Variants in STX17 observed in about 807,000 individuals in gnomAD.
The protein encoded by STX17 is syntaxin-17.
Under a neutral mutation model 35.9 loss-of-function variants are expected in STX17, and 29 were observed. The observed-to-expected ratio is 0.81, with a 90% CI of 0.60 to 1.10. The LOEUF is 1.10. Ranked by LOEUF, STX17 falls within the 50% of genes least tolerant of loss-of-function variation. STX17 has a pLI of 0.00. For missense variants in STX17, 312 were observed against 352.3 expected (o/e 0.89, Z 0.92); for synonymous variants, 92 against 118.3 (o/e 0.78, Z 1.44).
chr9:99,928,123 A>C (rs1468180870), intron 2 of STX17, among the ~76,000 whole-genome samples: 3 of 152,082 alleles, frequency 2.0e-5, no homozygotes, highest in African/African-American at 7.2e-5. Context: ...ATAACATATG[A>C]TATTTGGTGT....
rs556297121 is a variant in STX17 at position 99,972,254 on chromosome 9, C to G, written c.*3581C>G. 6.6e-6 allele frequency among the ~76,000 whole-genome samples: 1 copy of G among 152,302 alleles called. No individual in the cohort carries two copies. Among genetic ancestry groups the G allele is most frequent in the African/African-American group, 2.4e-5 (1 of 41,574 alleles). On this transcript the variant is annotated 3_prime_UTR_variant, in exon 8 of 8. Transcript: ENST00000259400. Reference sequence around the variant, plus strand: ...TCACTAGTTATAACCATTGTTTAAACAGTGCTTTTTGTGTAATTTAAAAAT... The same window carrying G: ...TCACTAGTTATAACCATTGTTTAAAGAGTGCTTTTTGTGTAATTTAAAAAT...
chr9:99,963,520 A>G (rs1330092078), intron 6 of STX17, among the ~76,000 whole-genome samples: 1 of 152,204 alleles, frequency 6.6e-6, no homozygotes, highest in Non-Finnish European at 1.5e-5. Flanking sequence ...TTTGACAACA[A>G]TGAGCTTTAT....
In STX17 at chr9:99,971,797, G is replaced by A. The variant is rs1466348397; in HGVS notation, c.*3124G>A. Among the ~76,000 whole-genome samples, 1 of 152,158 alleles carries A rather than the reference G, an allele frequency of 6.6e-6. No individual in the cohort carries two copies. Among genetic ancestry groups the A allele is most frequent in the Non-Finnish European group, 1.5e-5 (1 of 68,040 alleles). On this transcript the variant is annotated 3_prime_UTR_variant, in exon 8 of 8. Transcript: ENST00000259400. ...GCACTTAGGGAGGCAGAGGCCAGAG[G>A]ATCACTTGAGCCCAGGAGTTTGAGA...
chr9:99,941,484 A>G (rs1829360633), intron 3 of STX17, among the ~76,000 whole-genome samples: 1 of 152,218 alleles, frequency 6.6e-6, no homozygotes, highest in African/African-American at 2.4e-5. Context: ...AATATAATTT[A>G]CGTATTCTAA....
In STX17 at chr9:99,972,607, A is replaced by T. The variant is rs1242257171; in HGVS notation, c.*3934A>T. 1.3e-5 allele frequency among the ~76,000 whole-genome samples: 2 copies of T among 152,134 alleles called. No homozygotes were observed. The highest frequency in any genetic ancestry group is 1.5e-5 in the Non-Finnish European group (1 of 68,012). On this transcript the variant is annotated 3_prime_UTR_variant, in exon 8 of 8. Transcript: ENST00000259400. ...GCTGCCTGCCTTCCTGCCCTCCCTT[A>T]AGTGCTCTAAGATTTTTGTACAGGA... is the stretch of plus-strand genomic sequence containing the variant.
In STX17 at chr9:99,973,432, A is replaced by G. The variant is rs2118575406; in HGVS notation, c.*4759A>G. Among the ~76,000 whole-genome samples, 1 of 152,284 alleles carries G rather than the reference A, an allele frequency of 6.6e-6. No individual in the cohort carries two copies. The highest frequency in any genetic ancestry group is 2.1e-4 in the South Asian group (1 of 4,824). On this transcript the variant is annotated 3_prime_UTR_variant, in exon 8 of 8. Coordinates refer to ENST00000259400, the MANE Select transcript of STX17 (RefSeq NM_017919.3). ...AGGCAATAGCTACAACGGAAAGATAATTGGACGGGGAATCCTGAGATCAGA... is the reference window on the plus strand; with the variant it reads ...AGGCAATAGCTACAACGGAAAGATAGTTGGACGGGGAATCCTGAGATCAGA...
At chr9:99,963,435 G>A (rs1829863397) in intron 6 of STX17, among the ~76,000 whole-genome samples, 1 of 152,030 alleles carries the variant, frequency 6.6e-6, no homozygotes, top group Non-Finnish European at 1.5e-5. Context: ...GTTTTACTCT[G>A]GAAACATAAA....
intron 2 of STX17, among the ~76,000 whole-genome samples, chr9:99,926,209 A>G (rs930780859): frequency 2.0e-5 from 3 of 151,852 alleles, no homozygotes; most frequent in African/African-American, 7.2e-5. Flanking sequence ...TAATGTGCTT[A>G]TATTTTCTTC....
At chr9:99,922,848 G>A (rs1281666001) in intron 2 of STX17, among the ~76,000 whole-genome samples, 1 of 152,214 alleles carries the variant, frequency 6.6e-6, no homozygotes, top group African/African-American at 2.4e-5. Flanking sequence ...GCCATGGTGT[G>A]GTGTGTGTCA....
At chr9:99,967,956 CTG>C (rs377054391) in intron 7 of STX17, among the ~76,000 whole-genome samples, 24 of 152,324 alleles carry the variant, frequency 1.6e-4, no homozygotes, top group African/African-American at 5.8e-4. Flanking sequence ...AGAGAATAAA[CTG>C]TAGCTCTGCT....
chr9:99,962,470 G>A (rs1829846141), intron 6 of STX17, among the ~76,000 whole-genome samples: 1 of 152,082 alleles, frequency 6.6e-6, no homozygotes, highest in Non-Finnish European at 1.5e-5. Flanking sequence ...AAAGTCATTG[G>A]TCTGTACACA....
At chr9:99,937,880 A>G (rs1587925237) in intron 3 of STX17, 1 of 152,092 alleles carries the variant, frequency 6.6e-6, no homozygotes, top group East Asian at 1.9e-4. Flanking sequence ...TCTGGAATGT[A>G]GTTAAGTTGC....
chr9:99,935,584 C>T (rs930008613), intron 3 of STX17, among the ~76,000 whole-genome samples: 4 of 152,074 alleles, frequency 2.6e-5, no homozygotes, highest in African/African-American at 9.7e-5. Context: ...AGACACTGGG[C>T]ATACATCTGT....
chr9:99,942,718 A>C (rs905427839), intron 3 of STX17, among the ~76,000 whole-genome samples: 4 of 152,166 alleles, frequency 2.6e-5, no homozygotes, highest in Non-Finnish European at 5.9e-5. Flanking sequence ...ATATGGCGTG[A>C]AGTGGTATAT....
intron 1 of STX17, among the ~76,000 whole-genome samples, chr9:99,908,893 C>A (rs1828608889): frequency 6.6e-6 from 1 of 152,208 alleles, no homozygotes; most frequent in South Asian, 2.1e-4. Flanking sequence ...ATTTGTCTAT[C>A]CATATACTTT....
intron 4 of STX17, among the ~76,000 whole-genome samples, chr9:99,956,401 T>C (rs1829712306): frequency 6.6e-6 from 1 of 152,124 alleles, no homozygotes; most frequent in South Asian, 2.1e-4. Context: ...GTGGTCATGG[T>C]TATAAAGTTC....
intron 4 of STX17, among the ~76,000 whole-genome samples, chr9:99,957,447 G>A (rs1488599175): frequency 6.6e-6 from 1 of 151,940 alleles, no homozygotes; most frequent in Non-Finnish European, 1.5e-5. Flanking sequence ...TTTTATCTCT[G>A]GCACCCTAAC....
At chr9:99,938,420 AAAC>A (rs1355584379) in intron 3 of STX17, among the ~76,000 whole-genome samples, 3 of 152,228 alleles carry the variant, frequency 2.0e-5, no homozygotes, top group Non-Finnish European at 4.4e-5. Context: ...TCAAAATTTG[AAAC>A]TAAATGAGAG....
At position 99,971,681 on chromosome 9, in the gene STX17, G is replaced by A. The variant is rs1830017252; in HGVS notation, c.*3008G>A. Among the ~76,000 whole-genome samples the A allele has an allele frequency of 6.6e-6, 1 of 152,170 alleles. No individual in the cohort carries two copies. Among genetic ancestry groups the A allele is most frequent in the South Asian group, 2.1e-4 (1 of 4,836 alleles). On this transcript the variant is annotated 3_prime_UTR_variant, in exon 8 of 8. Coordinates refer to ENST00000259400, the MANE Select transcript of STX17 (RefSeq NM_017919.3). The stretch of plus-strand genomic sequence containing the variant: ...CAGGAATGTTAACTAGGTCTGTTGA[G>A]CTACAAAAACTTTTATGTCTCTCAG...
Sources: allele counts gnomAD v4.1 joint callset (sites outside exome capture counted in the v4.1 genomes callset), GRCh38; gene constraint gnomAD v4.1.1; transcripts MANE v1.5; gene names NCBI Gene and HGNC (gene_info 2026-07-23, HGNC 2026-07-21).